KLHL29: variants seen among roughly 807,000 people sequenced by gnomAD.
The protein encoded by KLHL29 is kelch like family member 29.
A neutral mutation model predicts 80.4 loss-of-function variants in KLHL29; 21 were observed. That is an observed-to-expected ratio of 0.26 (90% CI 0.19 to 0.38). The LOEUF (loss-of-function observed/expected upper bound fraction) is 0.38, where lower values mean the gene tolerates loss of function less well. KLHL29 is among the 10% of genes least tolerant of loss of function. KLHL29 has a pLI of 1.00. For synonymous variants in KLHL29, 511 were observed against 526.8 expected (o/e 0.97, Z 0.41); for missense variants, 867 against 1,223.9 (o/e 0.71, Z 4.35).
intron 1 of KLHL29, among the ~76,000 whole-genome samples, chr2:23,399,865 G>A (rs556783705): frequency 2.6e-5 from 4 of 152,166 alleles, no homozygotes; most frequent in African/African-American, 7.2e-5. Flanking sequence ...TCAGCCTGCC[G>A]TCTGCTGTTG....
chr2:23,546,857 GGAGAGC>G (rs1326732788), intron 2 of KLHL29, among the ~76,000 whole-genome samples: 1 of 152,260 alleles, frequency 6.6e-6, no homozygotes, highest in Non-Finnish European at 1.5e-5. Context: ...AACATGCAGT[GGAGAGC>G]GAGGGTTGTG....
At chr2:23,428,344 G>T (rs959981716) in intron 1 of KLHL29, among the ~76,000 whole-genome samples, 3 of 152,216 alleles carry the variant, frequency 2.0e-5, no homozygotes, top group African/African-American at 7.2e-5. Flanking sequence ...CAGTGATGTT[G>T]CGAGGTAGGT....
intron 1 of KLHL29, among the ~76,000 whole-genome samples, chr2:23,397,143 C>A (rs1370692): frequency 1.3e-5 from 2 of 152,088 alleles, no homozygotes; most frequent in Admixed American, 6.5e-5. Context: ...CGCAGGCAGC[C>A]GTGGAGAACC....
chr2:23,663,434 T>TCA, intron 5 of KLHL29, among the ~76,000 whole-genome samples: 1 of 152,316 alleles, frequency 6.6e-6, no homozygotes, highest in East Asian at 1.9e-4. Context: ...GGCTCCGCCG[T>TCA]CACGTGTGCC....
At position 23,634,971 on chromosome 2, in the gene KLHL29, G is replaced by A. The variant is rs544765918; in HGVS notation, c.286-4168G>A. 3.3e-5 allele frequency among the ~76,000 whole-genome samples: 5 copies of A among 151,052 alleles called. No individual in the cohort carries two copies. The East Asian group carries it at 9.8e-4, about 30-fold the overall frequency. On this transcript the variant is annotated intron_variant, in intron 3 of 13. Transcript: ENST00000486442. ...GAGTCATGGAGCTTTGCAAAGACAG[G>A]GCAGAAACAAGGCCCTGGGGGCAGT...
chr2:23,471,871 A>G (rs1015122639), intron 1 of KLHL29, among the ~76,000 whole-genome samples: 4 of 152,154 alleles, frequency 2.6e-5, no homozygotes, highest in Non-Finnish European at 5.9e-5. Context: ...TGGAAACGTT[A>G]AGATTTTACA....
At chr2:23,423,196 T>C (rs923405802) in intron 1 of KLHL29, among the ~76,000 whole-genome samples, 6 of 152,190 alleles carry the variant, frequency 3.9e-5, no homozygotes, top group African/African-American at 1.4e-4. Context: ...TGTTCTTTTT[T>C]CCCTGCGAAC....
intron 1 of KLHL29, among the ~76,000 whole-genome samples, chr2:23,424,512 T>A (rs1488778753): frequency 1.3e-5 from 2 of 152,168 alleles, no homozygotes; most frequent in South Asian, 4.1e-4. Flanking sequence ...TAAAAAACAT[T>A]TATGTGGAGC....
At chr2:23,612,579 T>TAAAAATAC (rs1668895690) in intron 3 of KLHL29, among the ~76,000 whole-genome samples, 1 of 151,966 alleles carries the variant, frequency 6.6e-6, no homozygotes, top group Non-Finnish European at 1.5e-5. Flanking sequence ...ATGTCTCTAC[T>TAAAAATAC]AAAAATACAA....
At chr2:23,515,975 TAAATG>T (rs1558368251) in intron 2 of KLHL29, among the ~76,000 whole-genome samples, 1 of 152,224 alleles carries the variant, frequency 6.6e-6, no homozygotes, top group Non-Finnish European at 1.5e-5. Context: ...ATTAAAAAGA[TAAATG>T]AATCAATTTT....
chr2:23,594,600 C>T (rs1175196229), intron 3 of KLHL29, among the ~76,000 whole-genome samples: 1 of 152,228 alleles, frequency 6.6e-6, no homozygotes, highest in East Asian at 1.9e-4. Flanking sequence ...AATTCTTTCT[C>T]CTGGTCTCCA....
At chr2:23,406,857 C>T (rs1157648134) in intron 1 of KLHL29, among the ~76,000 whole-genome samples, 3 of 152,064 alleles carry the variant, frequency 2.0e-5, no homozygotes, top group Non-Finnish European at 4.4e-5. Context: ...TGTAACTTTT[C>T]AATTATAAAA....
At chr2:23,499,849 G>A (rs1665386987) in intron 2 of KLHL29, among the ~76,000 whole-genome samples, 1 of 152,258 alleles carries the variant, frequency 6.6e-6, no homozygotes, top group Non-Finnish European at 1.5e-5. Flanking sequence ...CTTAATATTT[G>A]AGGCGCATTC....
At chr2:23,662,490 T>A (rs546948913) in intron 5 of KLHL29, among the ~76,000 whole-genome samples, 1 of 152,164 alleles carries the variant, frequency 6.6e-6, no homozygotes, top group Admixed American at 6.5e-5. Context: ...CTTGACAGTT[T>A]CTAGGACTGC....
At position 23,701,793 on chromosome 2, in the gene KLHL29, C is replaced by CTT. The variant is rs70941586; in HGVS notation, c.2106-1368_2106-1367dup. The stretch of plus-strand genomic sequence containing the variant: ...GCTTCGCACACATGGCTTTTTTTTG[C>CTT]TTTTTTTTTTTTTTTTTTTTTTTTT... On this transcript the variant is annotated intron_variant, in intron 11 of 13. Coordinates refer to ENST00000486442, the MANE Select transcript of KLHL29 (RefSeq NM_052920.2). Among the ~76,000 whole-genome samples the CTT allele has an allele frequency of 2.0e-3, 46 of 22,532 alleles. 1 individual carries two copies. The highest frequency in any genetic ancestry group is 4.9e-3 in the East Asian group (1 of 206). The allele number at this position is 22,532 out of a possible 152,430, so 14.8% of individuals were successfully genotyped here. A position where few individuals can be genotyped will look rare whatever the true frequency, so the allele number is the denominator to read the frequency against.
rs549727766 is a variant in KLHL29 at position 23,533,565 on chromosome 2, G to A, written c.-45-28587G>A. Reference sequence around the variant, plus strand: ...CTCTGGGGAGCCTTGGCGCTGGCTCGCAGATCAAAGCTGGGAGACCTGGGA... The same window carrying A: ...CTCTGGGGAGCCTTGGCGCTGGCTCACAGATCAAAGCTGGGAGACCTGGGA... On this transcript the variant is annotated intron_variant, in intron 2 of 13. Coordinates refer to ENST00000486442, the MANE Select transcript of KLHL29 (RefSeq NM_052920.2). Among the ~76,000 whole-genome samples the A allele has an allele frequency of 7.4e-4, 113 of 152,200 alleles. 1 individual carries two copies. Among genetic ancestry groups the A allele is most frequent in the Non-Finnish European group, 1.1e-3 (76 of 68,036 alleles).
At chr2:23,658,672 G>A (rs775568583) in intron 5 of KLHL29, among the ~76,000 whole-genome samples, 6 of 152,222 alleles carry the variant, frequency 3.9e-5, no homozygotes, top group Non-Finnish European at 5.9e-5. Context: ...GAGGCCTTCC[G>A]GTTGTTGAGT....
At chr2:23,491,686 T>C (rs1216616315) in intron 2 of KLHL29, among the ~76,000 whole-genome samples, 1 of 152,170 alleles carries the variant, frequency 6.6e-6, no homozygotes, top group Non-Finnish European at 1.5e-5. Flanking sequence ...TTCTCAGCTC[T>C]GTGCTGGAGC....
intron 1 of KLHL29, among the ~76,000 whole-genome samples, chr2:23,465,596 G>A (rs1006330225): frequency 2.6e-5 from 4 of 152,154 alleles, no homozygotes; most frequent in African/African-American, 4.8e-5. Flanking sequence ...TGGCAAAAGC[G>A]TCCTCAGTTG....
Sources: gnomAD v4.1 joint callset for allele counts (sites outside exome capture counted in the v4.1 genomes callset) on GRCh38, gnomAD v4.1.1 for gene constraint, MANE v1.5 for transcripts, NCBI Gene and HGNC (gene_info 2026-07-23, HGNC 2026-07-21) for gene names.